ZBTB43: variants seen among roughly 807,000 people sequenced by gnomAD.
ZBTB43 encodes the protein zinc finger and BTB domain containing 43.
A neutral mutation model predicts 31.1 loss-of-function variants in ZBTB43; 6 were observed. The ratio of observed to expected loss-of-function variants is 0.19; its 90% CI spans 0.11 to 0.38. ZBTB43 has a LOEUF of 0.38. ZBTB43 is among the 10% of genes least tolerant of loss of function. The probability of loss-of-function intolerance (pLI) is 1.00; values close to 1 mark genes in which losing one functional copy is unlikely to be tolerated. For synonymous variants in ZBTB43, 212 were observed against 221.7 expected (o/e 0.96, Z 0.39); for missense variants, 379 against 602.1 (o/e 0.63, Z 3.88).
At chr9:126,826,731 T>C (rs2119154974) in intron 2 of ZBTB43, among the ~76,000 whole-genome samples, 1 of 152,310 alleles carries the variant, frequency 6.6e-6, no homozygotes, top group East Asian at 1.9e-4. Flanking sequence ...CCCAAAGTGC[T>C]GGGATTACAG....
chr9:126,833,467 T>C lies in ZBTB43; in HGVS notation c.958T>C (p.Ser320Pro). ...TGATGAGCAGGTGGATTTCTATGGCTCTTCCATGGAAGAGTTTTCCGGAGA... is the reference window on the plus strand; with the variant it reads ...TGATGAGCAGGTGGATTTCTATGGCCCTTCCATGGAAGAGTTTTCCGGAGA... The part of the protein sequence containing the change: ...NYDEQVDFYG[S>P]SMEEFSGERS... The change falls in exon 3 of 3, where the codon TCT (serine) becomes CCT (proline). Residue 320 changes from serine (S) to proline (P), a missense_variant. Ser to Pro is a moderately conservative substitution (Grantham distance 74). Around this residue, in one of 5 missense-constraint regions of ZBTB43, gnomAD observed 253 missense variants for 322.3 expected, o/e 0.79. Coordinates refer to ENST00000373464, the MANE Select transcript of ZBTB43 (RefSeq NM_014007.4). The surrounding 1 kb of genome is among the most constrained non-coding windows in gnomAD (Gnocchi z 7.9). 2.5e-6 allele frequency: 4 copies of C among 1,614,172 alleles called. No individual in the cohort carries two copies. The highest frequency in any genetic ancestry group is 3.4e-6 in the Non-Finnish European group (4 of 1,180,032).
At chr9:126,818,616 C>G (rs980750886) in intron 2 of ZBTB43, among the ~76,000 whole-genome samples, 1 of 152,052 alleles carries the variant, frequency 6.6e-6, no homozygotes. Context: ...TGAGATGATA[C>G]GTGTTTTATG....
chr9:126,822,674 A>G (rs1216919740), intron 2 of ZBTB43, among the ~76,000 whole-genome samples: 2 of 152,224 alleles, frequency 1.3e-5, no homozygotes, highest in Non-Finnish European at 2.9e-5. Context: ...CAGGAGGTCA[A>G]GGCTGCAGTG....
chr9:126,829,804 C>T (rs1356295674), intron 2 of ZBTB43, among the ~76,000 whole-genome samples: 2 of 152,030 alleles, frequency 1.3e-5, no homozygotes, highest in African/African-American at 2.4e-5. Flanking sequence ...TGAGATCTAG[C>T]AGAGAATCTG....
intron 2 of ZBTB43, among the ~76,000 whole-genome samples, chr9:126,819,619 A>G (rs1404834652): frequency 6.6e-6 from 1 of 151,352 alleles, no homozygotes; most frequent in African/African-American, 2.4e-5. Context: ...CTATTACGTG[A>G]TACACAACCA....
intron 2 of ZBTB43, among the ~76,000 whole-genome samples, chr9:126,809,609 G>A (rs1353861451): frequency 6.6e-6 from 1 of 152,074 alleles, no homozygotes; most frequent in Non-Finnish European, 1.5e-5. Context: ...GAGTTCCTCA[G>A]CCGAATAATA....
intron 2 of ZBTB43, among the ~76,000 whole-genome samples, chr9:126,825,175 A>C (rs774602227): frequency 6.6e-6 from 1 of 152,164 alleles, no homozygotes; most frequent in Non-Finnish European, 1.5e-5. Context: ...TCCTGGGCTC[A>C]AGTGATCCTC....
chr9:126,815,642 GTCTC>G (rs78076730), intron 2 of ZBTB43, among the ~76,000 whole-genome samples: 41 of 129,062 alleles, frequency 3.2e-4, no homozygotes, highest in East Asian at 4.3e-4. Flanking sequence ...TTTTATTTGG[GTCTC>G]TCTCTCTCTC....
chr9:126,830,248 TA>T (rs1378756608), intron 2 of ZBTB43, among the ~76,000 whole-genome samples: 1 of 152,262 alleles, frequency 6.6e-6, no homozygotes, highest in Non-Finnish European at 1.5e-5. Flanking sequence ...TAACATATCA[TA>T]ATTACTCAAG....
rs760541582 is a variant in ZBTB43, at chr9:126,833,224, G to A, written c.715G>A (p.Ala239Thr). ...RPMYSKPSIM[A>T]HKRWIHVKPE... Reference sequence around the variant, plus strand: ...CATGTACAGCAAGCCCAGCATCATGGCTCACAAACGCTGGATCCACGTGAA... The same window carrying A: ...CATGTACAGCAAGCCCAGCATCATGACTCACAAACGCTGGATCCACGTGAA... Residue 239 changes from alanine (A) to threonine (T), a missense_variant, in exon 3 of 3, where the codon GCT becomes ACT. By Grantham distance (58) the Ala-to-Thr change is moderately conservative. Transcript: ENST00000373464. This position sits in a 1 kb window ranked among gnomAD's most constrained non-coding sequence, Gnocchi z 7.9. 3.1e-6 allele frequency: 5 copies of A among 1,613,578 alleles called. No homozygotes were observed. The South Asian group carries it at 5.5e-5, about 18-fold the overall frequency.
chr9:126,827,691 A>G (rs2032672354), intron 2 of ZBTB43, among the ~76,000 whole-genome samples: 1 of 152,152 alleles, frequency 6.6e-6, no homozygotes, highest in Non-Finnish European at 1.5e-5. Flanking sequence ...AACTGATTTT[A>G]AATGTATTCT....
intron 2 of ZBTB43, among the ~76,000 whole-genome samples, chr9:126,814,275 G>GAAGAA: frequency 6.6e-6 from 1 of 151,008 alleles, no homozygotes; most frequent in South Asian, 2.1e-4. Context: ...GATTTTTACA[G>GAAGAA]ATGAAATTTA....
intron 2 of ZBTB43, among the ~76,000 whole-genome samples, chr9:126,827,484 C>G (rs947732466): frequency 4.6e-4 from 70 of 152,168 alleles, no homozygotes; most frequent in African/African-American, 1.7e-3. Context: ...GCACACTGAT[C>G]TCTTCTGAGC....
At chr9:126,810,804 G>C (rs1447365917) in intron 2 of ZBTB43, among the ~76,000 whole-genome samples, 1 of 151,668 alleles carries the variant, frequency 6.6e-6, no homozygotes, top group East Asian at 1.9e-4. Flanking sequence ...TGCCTGGCTT[G>C]GGCCATCTTA....
At position 126,833,556 on chromosome 9, in the gene ZBTB43, G is replaced by A. The variant is rs745517930; in HGVS notation, c.1047G>A (p.Glu349=). 3.1e-6 allele frequency: 5 copies of A among 1,613,990 alleles called. No individual in the cohort carries two copies. Among genetic ancestry groups the A allele is most frequent in the Non-Finnish European group, 4.2e-6 (5 of 1,179,996 alleles). Residue 349 remains glutamate (E), a synonymous_variant, in exon 3 of 3, where the codon GAG becomes GAA. Coordinates refer to ENST00000373464, the MANE Select transcript of ZBTB43 (RefSeq NM_014007.4). The surrounding 1 kb of genome is among the most constrained non-coding windows in gnomAD (Gnocchi z 7.9). ...QEAALAAGYS[E]NIEMVTGIKE... ...CTGCCCTCGCAGCAGGTTACAGTGAGAATATTGAAATGGTAACAGGGATTA... is the reference window on the plus strand; with the variant it reads ...CTGCCCTCGCAGCAGGTTACAGTGAAAATATTGAAATGGTAACAGGGATTA...
chr9:126,812,392 T>C (rs1269503617), intron 2 of ZBTB43, among the ~76,000 whole-genome samples: 2 of 152,220 alleles, frequency 1.3e-5, no homozygotes, highest in Admixed American at 6.5e-5. Context: ...CGAGTTTTAG[T>C]GTGGACATCA....
chr9:126,813,062 C>T (rs749318428), intron 2 of ZBTB43, among the ~76,000 whole-genome samples: 1 of 151,518 alleles, frequency 6.6e-6, no homozygotes, highest in African/African-American at 2.4e-5. Context: ...CTCACTGCAA[C>T]CTCCGCCTCC....
At position 126,832,522 on chromosome 9, in the gene ZBTB43, A is replaced by G. The variant is rs999126833; in HGVS notation, c.13A>G (p.Thr5Ala). 1.5e-5 allele frequency: 24 copies of G among 1,605,932 alleles called. No individual in the cohort carries two copies. The highest frequency in any genetic ancestry group is 1.7e-4 in the Middle Eastern group (1 of 6,060). The stretch of plus-strand genomic sequence containing the variant: ...GATTTGTGATGAAATGGAGCCTGGA[A>G]CAAACTCTTTTCGGGTAGAATTTCC... MEPG[T>A]NSFRVEFPDF... Residue 5 changes from threonine (T) to alanine (A), a missense_variant, in exon 3 of 3, where the codon ACA (threonine) becomes GCA (alanine). By Grantham distance (58) the Thr-to-Ala change is moderately conservative (BLOSUM62 0). This residue lies in a region of ZBTB43 where 79 missense variants were observed against 134.4 expected (regional missense o/e 0.59). Transcript: ENST00000373464.
chr9:126,832,045 A>G (rs1163242976), intron 2 of ZBTB43: 1 of 156,950 alleles, frequency 6.4e-6, no homozygotes, highest in African/African-American at 2.4e-5. Context: ...TGATAGCTTG[A>G]TTACCCAAGA....
Sources: allele counts gnomAD v4.1 joint callset (sites outside exome capture counted in the v4.1 genomes callset), GRCh38; gene constraint gnomAD v4.1.1; regional missense constraint gnomAD v4.1.1; non-coding constraint Gnocchi (gnomAD v3.1); transcripts MANE v1.5; gene names NCBI Gene and HGNC (gene_info 2026-07-23, HGNC 2026-07-21).